ZNF423: variants seen among roughly 807,000 people sequenced by gnomAD.
ZNF423 encodes zinc finger protein 423, also known as Ebf-associated zinc finger protein.
In ZNF423, 12 loss-of-function variants were observed where a neutral mutation model predicts 95.8. The ratio of observed to expected loss-of-function variants is 0.13; its 90% CI spans 0.08 to 0.20. The LOEUF (loss-of-function observed/expected upper bound fraction) is 0.20, where lower values mean the gene tolerates loss of function less well. Among genes scored for constraint, ZNF423 ranks in the 10% least tolerant of loss-of-function variants. ZNF423 has a pLI of 1.00. For synonymous variants in ZNF423, 749 were observed against 711.9 expected (o/e 1.05, Z -0.83); for missense variants, 1,316 against 1,737.1 (o/e 0.76, Z 4.31).
intron 1 of ZNF423, among the ~76,000 whole-genome samples, chr16:49,809,535 G>C (rs557363522): frequency 6.6e-6 from 1 of 152,182 alleles, no homozygotes; most frequent in Admixed American, 6.5e-5. Flanking sequence ...TGCTGGTCCT[G>C]GAACCCCCAA....
At chr16:49,602,818 TG>T (rs1052073595) in intron 5 of ZNF423, among the ~76,000 whole-genome samples, 1 of 152,114 alleles carries the variant, frequency 6.6e-6, no homozygotes, top group Non-Finnish European at 1.5e-5. Context: ...AAGAGACAAG[TG>T]GGAACCAAGC....
chr16:49,646,028 G>T (rs1037957388), intron 3 of ZNF423, among the ~76,000 whole-genome samples: 1 of 152,214 alleles, frequency 6.6e-6, no homozygotes, highest in Non-Finnish European at 1.5e-5. Flanking sequence ...AGCAGCATGA[G>T]AATGAACTAA....
chr16:49,550,142 A>G (rs1969582762), intron 5 of ZNF423, among the ~76,000 whole-genome samples: 2 of 152,212 alleles, frequency 1.3e-5, no homozygotes, highest in Admixed American at 1.3e-4. Flanking sequence ...TGCTGGGATT[A>G]TAGGGATGAG....
intron 3 of ZNF423, among the ~76,000 whole-genome samples, chr16:49,676,846 C>T (rs898521782): frequency 3.9e-5 from 6 of 152,178 alleles, no homozygotes; most frequent in Non-Finnish European, 8.8e-5. Flanking sequence ...GGATGGTGGA[C>T]TTAGCGGCCA....
chr16:49,650,360 C>A (rs757321917), intron 3 of ZNF423, among the ~76,000 whole-genome samples: 18 of 152,286 alleles, frequency 1.2e-4, no homozygotes, highest in Admixed American at 4.6e-4. Flanking sequence ...CCTGGGGAAA[C>A]TAAAAGTAAC....
intron 2 of ZNF423, among the ~76,000 whole-genome samples, chr16:49,778,677 C>A (rs1424115378): frequency 6.6e-6 from 1 of 152,218 alleles, no homozygotes; most frequent in Admixed American, 6.5e-5. Context: ...TGTGGCCATG[C>A]CCAGAGATTG....
intron 3 of ZNF423, among the ~76,000 whole-genome samples, chr16:49,720,057 G>A (rs968524612): frequency 6.6e-6 from 1 of 152,018 alleles, no homozygotes; most frequent in Non-Finnish European, 1.5e-5. Flanking sequence ...ATGCCACGAG[G>A]GCTTGACACA....
chr16:49,817,575 G>C (rs114051541), intron 1 of ZNF423, among the ~76,000 whole-genome samples: 7 of 152,152 alleles, frequency 4.6e-5, no homozygotes, highest in Non-Finnish European at 1.5e-5. Flanking sequence ...CACACAGAAC[G>C]CCTGATACCG....
intron 7 of ZNF423, among the ~76,000 whole-genome samples, chr16:49,513,059 G>C (rs935299323): frequency 6.6e-6 from 1 of 152,156 alleles, no homozygotes; most frequent in African/African-American, 2.4e-5. Flanking sequence ...TCGTGTTACT[G>C]CACACTCCAG....
chr16:49,494,846 T>C (rs1967096837), intron 7 of ZNF423, among the ~76,000 whole-genome samples: 1 of 152,230 alleles, frequency 6.6e-6, no homozygotes, highest in Non-Finnish European at 1.5e-5. Flanking sequence ...AAGCTGTGGT[T>C]TGAGGAACGT....
chr16:49,670,846 G>A (rs1051126064), intron 3 of ZNF423, among the ~76,000 whole-genome samples: 20 of 152,210 alleles, frequency 1.3e-4, no homozygotes, highest in Admixed American at 3.3e-4. Flanking sequence ...GAGGCGAGAC[G>A]TTTAAAGCAT....
intron 5 of ZNF423, among the ~76,000 whole-genome samples, chr16:49,609,968 A>T (rs1971671056): frequency 6.6e-6 from 1 of 152,238 alleles, no homozygotes; most frequent in African/African-American, 2.4e-5. Context: ...CACAGTGAAA[A>T]AATAATTCAA....
chr16:49,665,655 C>T (rs1431544176), intron 3 of ZNF423, among the ~76,000 whole-genome samples: 1 of 152,092 alleles, frequency 6.6e-6, no homozygotes, highest in Non-Finnish European at 1.5e-5. Flanking sequence ...AGTGGGTGGC[C>T]CAGCCCTGGT....
At chr16:49,550,209 A>T (rs1384644020) in intron 5 of ZNF423, among the ~76,000 whole-genome samples, 1 of 152,246 alleles carries the variant, frequency 6.6e-6, no homozygotes, top group Non-Finnish European at 1.5e-5. Context: ...AAGCATATAC[A>T]TGATGACCTA....
At chr16:49,524,009 T>C (rs1968506784) in intron 6 of ZNF423, among the ~76,000 whole-genome samples, 1 of 152,186 alleles carries the variant, frequency 6.6e-6, no homozygotes, top group South Asian at 2.1e-4. Context: ...GATTATAATA[T>C]GTCCCTAGCT....
intron 2 of ZNF423, among the ~76,000 whole-genome samples, chr16:49,782,049 T>C (rs1235831196): frequency 6.6e-6 from 1 of 152,248 alleles, no homozygotes; most frequent in African/African-American, 2.4e-5. Context: ...TTTCCAGGCC[T>C]GGCTTTGAAC....
chr16:49,606,051 G>T (rs181748310), intron 5 of ZNF423, among the ~76,000 whole-genome samples: 1 of 152,304 alleles, frequency 6.6e-6, no homozygotes, highest in Admixed American at 6.5e-5. Flanking sequence ...TCACAGCCGC[G>T]TGCACCTGCA....
At position 49,566,405 on chromosome 16, in the gene ZNF423, C is replaced by CT. The variant is rs527693228; in HGVS notation, c.3602-40912dup. ...TGCTCCTGGAGCAGATGGGTGCAGCCTGCCTAGACTCTCACCCCACCTGCA... is the reference window on the plus strand; with the variant it reads ...TGCTCCTGGAGCAGATGGGTGCAGCCTTGCCTAGACTCTCACCCCACCTGCA... On this transcript the variant is annotated intron_variant, in intron 5 of 7. Transcript: ENST00000563137. Among the ~76,000 whole-genome samples the CT allele has an allele frequency of 1.8e-4, 28 of 152,292 alleles. 1 individual carries two copies. The East Asian group carries it at 5.2e-3, about 28-fold the overall frequency.
intron 3 of ZNF423, among the ~76,000 whole-genome samples, chr16:49,698,598 GC>G (rs2032060863): frequency 6.6e-6 from 1 of 152,172 alleles, no homozygotes; most frequent in Admixed American, 6.5e-5. Flanking sequence ...GCTGTTCCAG[GC>G]CCTCAGCCCC....
Sources: gnomAD v4.1 joint callset for allele counts (sites outside exome capture counted in the v4.1 genomes callset) on GRCh38, gnomAD v4.1.1 for gene constraint, MANE v1.5 for transcripts, NCBI Gene and HGNC (gene_info 2026-07-23, HGNC 2026-07-21) for gene names.